Variants in SRRM4 observed in about 807,000 individuals in gnomAD.
SRRM4 encodes the protein serine/arginine repetitive matrix 4, also known as serine/arginine repetitive matrix protein 4.
Under a neutral mutation model 68.9 loss-of-function variants are expected in SRRM4, and 33 were observed. The ratio of observed to expected loss-of-function variants is 0.48; its 90% CI spans 0.36 to 0.64. The LOEUF is 0.64. Among genes scored for constraint, SRRM4 ranks in the 30% least tolerant of loss-of-function variants. The pLI is 0.00. For synonymous variants in SRRM4, 318 were observed against 318.8 expected (o/e 1.00, Z 0.03); for missense variants, 817 against 827.1 (o/e 0.99, Z 0.15).
intron 1 of SRRM4, among the ~76,000 whole-genome samples, chr12:119,058,332 G>A (rs1465801524): frequency 6.6e-6 from 1 of 152,152 alleles, no homozygotes; most frequent in African/African-American, 2.4e-5. Context: ...ACAATAATTA[G>A]TCAATCTTTA....
At chr12:118,992,732 G>C (rs898806536) in intron 1 of SRRM4, among the ~76,000 whole-genome samples, 1 of 152,164 alleles carries the variant, frequency 6.6e-6, no homozygotes, top group Non-Finnish European at 1.5e-5. Flanking sequence ...GGATGAGAGG[G>C]CAGCCAGGGG....
chr12:118,999,463 A>G (rs568095648), intron 1 of SRRM4, among the ~76,000 whole-genome samples: 1 of 152,164 alleles, frequency 6.6e-6, no homozygotes, highest in South Asian at 2.1e-4. Flanking sequence ...CACCTGTGTT[A>G]AGTTTGAGGG....
intron 8 of SRRM4, among the ~76,000 whole-genome samples, chr12:119,141,103 G>A (rs980400370): frequency 5.3e-5 from 8 of 152,106 alleles, no homozygotes; most frequent in Non-Finnish European, 1.0e-4. Context: ...CACCACACCC[G>A]GCTAATTTTT....
chr12:118,981,647 C>A lies in SRRM4; in HGVS notation c.-236C>A, dbSNP rs1161450441. 4.0e-6 allele frequency: 2 copies of A among 504,600 alleles called. No individual in the cohort carries two copies. The highest frequency in any genetic ancestry group is 7.0e-6 in the Non-Finnish European group (2 of 286,032). 31.3% of individuals were successfully genotyped at this position (504,600 alleles called of 1,614,324 possible). ...GCGCAGAGGCTCAGCCAGCTCAGAG[C>A]GCAGCCTGGAGCCGACCCAGAAGGG... On this transcript the variant is annotated 5_prime_UTR_variant, in exon 1 of 13. Coordinates refer to ENST00000267260, the MANE Select transcript of SRRM4 (RefSeq NM_194286.4).
At chr12:119,062,495 A>T (rs1953820646) in intron 1 of SRRM4, among the ~76,000 whole-genome samples, 1 of 152,212 alleles carries the variant, frequency 6.6e-6, no homozygotes, top group Admixed American at 6.5e-5. Context: ...GTAGCACTTA[A>T]ATGCAAACAC....
chr12:119,045,493 C>T (rs964324138), intron 1 of SRRM4, among the ~76,000 whole-genome samples: 12 of 148,724 alleles, frequency 8.1e-5, no homozygotes, highest in African/African-American at 1.5e-4. Flanking sequence ...CGCTCCCCCC[C>T]GCCCCAAAAC....
At chr12:119,000,235 A>G (rs1953375705) in intron 1 of SRRM4, among the ~76,000 whole-genome samples, 1 of 152,192 alleles carries the variant, frequency 6.6e-6, no homozygotes, top group African/African-American at 2.4e-5. Context: ...CACACCTCAC[A>G]CATCAAAGCA....
At position 119,154,691 on chromosome 12, in the gene SRRM4, G is replaced by A. The variant is rs1157812790; in HGVS notation, c.1532+308G>A. On this transcript the variant is annotated intron_variant, in intron 12 of 12. Transcript: ENST00000267260. This position sits in a 1 kb window ranked among gnomAD's most constrained non-coding sequence, Gnocchi z 4.7. ...GGGCCGGGGAGGTGGAGCTGGGGCCGGGGAGGCGGAGCTGGGGGAGAGAGT... is the reference window on the plus strand; with the variant it reads ...GGGCCGGGGAGGTGGAGCTGGGGCCAGGGAGGCGGAGCTGGGGGAGAGAGT... Among the ~76,000 whole-genome samples, 1 of 152,148 alleles carries A rather than the reference G, an allele frequency of 6.6e-6. No individual in the cohort carries two copies. Among genetic ancestry groups the A allele is most frequent in the Non-Finnish European group, 1.5e-5 (1 of 68,020 alleles).
At chr12:118,997,439 C>A (rs767194659) in intron 1 of SRRM4, among the ~76,000 whole-genome samples, 5 of 152,332 alleles carry the variant, frequency 3.3e-5, no homozygotes, top group Non-Finnish European at 7.3e-5. Context: ...CCATGTGGCA[C>A]CTTTCTGGTC....
At chr12:119,054,364 C>T (rs541490060) in intron 1 of SRRM4, among the ~76,000 whole-genome samples, 1 of 152,266 alleles carries the variant, frequency 6.6e-6, no homozygotes, top group African/African-American at 2.4e-5. Flanking sequence ...ATTTAACATC[C>T]TCAGTGATTC....
intron 2 of SRRM4, among the ~76,000 whole-genome samples, chr12:119,110,436 G>GAGGC (rs1297024251): frequency 6.6e-6 from 1 of 152,202 alleles, no homozygotes; most frequent in Non-Finnish European, 1.5e-5. Context: ...GGAGTCTACA[G>GAGGC]AGGCAGGCAG....
intron 1 of SRRM4, among the ~76,000 whole-genome samples, chr12:119,051,858 T>C (rs937541313): frequency 4.6e-5 from 7 of 152,238 alleles, no homozygotes; most frequent in Admixed American, 6.5e-5. Flanking sequence ...TACAGCATCG[T>C]CAAACATGAT....
chr12:119,077,980 A>C (rs769543703), intron 1 of SRRM4, among the ~76,000 whole-genome samples: 1 of 152,170 alleles, frequency 6.6e-6, no homozygotes, highest in Non-Finnish European at 1.5e-5. Flanking sequence ...TCACTAGCTC[A>C]AATCCTAGCC....
At chr12:119,149,793 A>C (rs1042849246) in intron 9 of SRRM4, among the ~76,000 whole-genome samples, 1 of 152,158 alleles carries the variant, frequency 6.6e-6, no homozygotes, top group South Asian at 2.1e-4. Context: ...AAGACCTGAG[A>C]TTGGAGGGGT....
At chr12:119,120,169 ATCTC>A in intron 4 of SRRM4, 77 bp from the exon 5 acceptor site, 6 of 778,682 alleles carry the variant, frequency 7.7e-6, no homozygotes, top group South Asian at 4.1e-5. Context: ...CCCTCTCTCC[ATCTC>A]TCTCTCTCTC....
At chr12:119,044,799 C>T (rs1422938570) in intron 1 of SRRM4, among the ~76,000 whole-genome samples, 1 of 152,042 alleles carries the variant, frequency 6.6e-6, no homozygotes, top group Non-Finnish European at 1.5e-5. Context: ...AAAGAAGGCA[C>T]CTGAGACCCC....
At position 119,156,624 on chromosome 12, in the gene SRRM4, TCGGAGCCGGAGCCGGAGA is replaced by T. The variant is rs765938051; in HGVS notation, c.1673_1690del (p.Ser558_Arg563del). 149 of 1,603,098 alleles carry T rather than the reference TCGGAGCCGGAGCCGGAGA, an allele frequency of 9.3e-5. No homozygotes were observed. The highest frequency in any genetic ancestry group is 5.8e-4 in the South Asian group (52 of 89,562). On this transcript the variant is annotated inframe_deletion, in exon 13 of 13. Coordinates refer to ENST00000267260, the MANE Select transcript of SRRM4 (RefSeq NM_194286.4). ...GCCGCAGCTACTCCCGGAGCCGGAG[TCGGAGCCGGAGCCGGAGA>T]CGGAGCCGGACCCGCACGAGCAGCA...
At chr12:119,115,513 T>C (rs1299013902) in intron 3 of SRRM4, among the ~76,000 whole-genome samples, 1 of 152,134 alleles carries the variant, frequency 6.6e-6, no homozygotes, top group Non-Finnish European at 1.5e-5. Flanking sequence ...ATCTGATGAC[T>C]TGGGCTTCAA....
chr12:119,006,596 T>C (rs1953417840), intron 1 of SRRM4, among the ~76,000 whole-genome samples: 1 of 152,182 alleles, frequency 6.6e-6, no homozygotes, highest in Non-Finnish European at 1.5e-5. Flanking sequence ...CACTTTCTCT[T>C]GGAGAAGTTA....
Sources: gnomAD v4.1 joint callset for allele counts (sites outside exome capture counted in the v4.1 genomes callset) on GRCh38, gnomAD v4.1.1 for gene constraint, Gnocchi (gnomAD v3.1) non-coding constraint, MANE v1.5 for transcripts, NCBI Gene and HGNC (gene_info 2026-07-23, HGNC 2026-07-21) for gene names.